Variants in KLF9 observed in about 807,000 individuals in gnomAD.
The protein encoded by KLF9 is KLF transcription factor 9.
In KLF9, 2 loss-of-function variants were observed where a neutral mutation model predicts 17.3. The observed-to-expected ratio is 0.12, with a 90% CI of 0.05 to 0.36. The LOEUF (loss-of-function observed/expected upper bound fraction) is 0.36. Ranked by LOEUF, KLF9 falls within the 10% of genes least tolerant of loss-of-function variation. KLF9 has a pLI of 1.00. For missense variants in KLF9, 226 were observed against 333.2 expected, an observed-to-expected ratio of 0.68 and a Z score of 2.51; for synonymous variants, 138 against 139.2, an observed-to-expected ratio of 0.99 and a Z score of 0.06.
intron 1 of KLF9, among the ~76,000 whole-genome samples, chr9:70,409,529 C>T (rs1192517649): frequency 6.6e-6 from 1 of 151,918 alleles, no homozygotes; most frequent in African/African-American, 2.4e-5. Context: ...CACCCGCCCC[C>T]CAAAATCTGC....
chr9:70,395,692 T>G (rs916486425), intron 1 of KLF9, among the ~76,000 whole-genome samples: 6 of 152,090 alleles, frequency 3.9e-5, no homozygotes, highest in Non-Finnish European at 7.3e-5. Context: ...GCCTGTAATC[T>G]CAGCACTTTG....
intron 1 of KLF9, among the ~76,000 whole-genome samples, chr9:70,398,230 T>G (rs1315262209): frequency 3.3e-5 from 5 of 152,170 alleles, no homozygotes; most frequent in Admixed American, 3.3e-4. Flanking sequence ...ACAGAGACAG[T>G]GTAGGGCTTA....
chr9:70,405,591 G>C (rs2037250175), intron 1 of KLF9, among the ~76,000 whole-genome samples: 1 of 152,156 alleles, frequency 6.6e-6, no homozygotes, highest in Non-Finnish European at 1.5e-5. Context: ...CTCAGCTCTA[G>C]AACCTTTAGA....
At chr9:70,388,934 G>A (rs2037133468) in intron 1 of KLF9, among the ~76,000 whole-genome samples, 1 of 152,196 alleles carries the variant, frequency 6.6e-6, no homozygotes, top group East Asian at 1.9e-4. Context: ...GAGGTCAGGA[G>A]TTAAGAGACC....
At chr9:70,403,017 G>A (rs2037233636) in intron 1 of KLF9, among the ~76,000 whole-genome samples, 1 of 152,106 alleles carries the variant, frequency 6.6e-6, no homozygotes, top group Admixed American at 6.6e-5. Context: ...TGGCATGGTG[G>A]GGTGTGGCTG....
At position 70,387,655 on chromosome 9, in the gene KLF9, G is replaced by C. The variant is rs1353063548; in HGVS notation, c.*121C>G. ...GGAAAATCAGAATATTGACCAAAGA[G>C]CAGTGACTTCCTGTGCCGTCAAGTG... On this transcript the variant is annotated 3_prime_UTR_variant, in exon 2 of 2. Coordinates refer to ENST00000377126, the MANE Select transcript of KLF9 (RefSeq NM_001206.4). 4 of 762,362 alleles carry C rather than the reference G, an allele frequency of 5.2e-6. No individual in the cohort carries two copies. In the African/African-American group the frequency reaches 6.9e-5, roughly 13 times the overall value. 47.2% of individuals were successfully genotyped at this position (762,362 alleles called of 1,614,324 possible).
At chr9:70,398,698 G>T (rs919908567) in intron 1 of KLF9, among the ~76,000 whole-genome samples, 2 of 151,896 alleles carry the variant, frequency 1.3e-5, no homozygotes, top group African/African-American at 4.8e-5. Flanking sequence ...CACCATGTTG[G>T]CCAGGCTGGT....
intron 1 of KLF9, among the ~76,000 whole-genome samples, chr9:70,400,480 G>A (rs1282355656): frequency 6.6e-6 from 1 of 152,178 alleles, no homozygotes. Flanking sequence ...CCGAATTAGA[G>A]AGAGAACCCT....
intron 1 of KLF9, among the ~76,000 whole-genome samples, chr9:70,409,524 G>GC (rs952176715): frequency 3.3e-5 from 5 of 151,584 alleles, no homozygotes; most frequent in Admixed American, 3.3e-4. Flanking sequence ...TTTACCACCC[G>GC]CCCCCCAAAA....
intron 1 of KLF9, among the ~76,000 whole-genome samples, chr9:70,395,258 G>A (rs1200842288): frequency 6.6e-6 from 1 of 152,092 alleles, no homozygotes; most frequent in Non-Finnish European, 1.5e-5. Context: ...TGGCTTAGAT[G>A]TCAGGTAAAA....
intron 1 of KLF9, among the ~76,000 whole-genome samples, chr9:70,399,025 G>A (rs1052609365): frequency 6.6e-6 from 1 of 151,692 alleles, no homozygotes; most frequent in South Asian, 2.1e-4. Context: ...GTATAGTCAG[G>A]GGTCTTACTA....
chr9:70,387,672 C>T lies in KLF9; in HGVS notation c.*104G>A, dbSNP rs547656999. ...ACCAAAGAGCAGTGACTTCCTGTGC[C>T]GTCAAGTGTGCCTCTTCTGGGGCTC... On this transcript the variant is annotated 3_prime_UTR_variant, in exon 2 of 2. Coordinates refer to ENST00000377126, the MANE Select transcript of KLF9 (RefSeq NM_001206.4). 18 of 908,430 alleles carry T rather than the reference C, an allele frequency of 2.0e-5. No individual in the cohort carries two copies. The highest frequency in any genetic ancestry group is 1.9e-4 in the Admixed American group (10 of 53,776). 56.3% of individuals were successfully genotyped at this position (908,430 alleles called of 1,614,324 possible). A position where few individuals can be genotyped will look rare whatever the true frequency, so the allele number is the denominator to read the frequency against.
chr9:70,387,194 A>T lies in KLF9; in HGVS notation c.*582T>A, dbSNP rs1046213085. On this transcript the variant is annotated 3_prime_UTR_variant, in exon 2 of 2. Coordinates refer to ENST00000377126, the MANE Select transcript of KLF9 (RefSeq NM_001206.4). ...TTGCTTGCATAAAGACAGCTGTGCT[A>T]TGGCGTTTTTTTTTTTAATCTCAAA... 8 of 153,916 alleles carry T rather than the reference A, an allele frequency of 5.2e-5. No individual in the cohort carries two copies. The highest frequency in any genetic ancestry group is 2.0e-4 in the African/African-American group (8 of 40,822). The allele number at this position is 153,916 out of a possible 1,614,324, so 9.5% of individuals were successfully genotyped here.
At chr9:70,393,551 C>T (rs1313895307) in intron 1 of KLF9, among the ~76,000 whole-genome samples, 1 of 152,144 alleles carries the variant, frequency 6.6e-6, no homozygotes, top group Non-Finnish European at 1.5e-5. Flanking sequence ...CTCATCTTCC[C>T]TGCCCCACCC....
chr9:70,394,446 C>T (rs1015180542), intron 1 of KLF9, among the ~76,000 whole-genome samples: 1 of 152,042 alleles, frequency 6.6e-6, no homozygotes, highest in African/African-American at 2.4e-5. Context: ...TATAAAAGAT[C>T]AGCTCTGAAA....
chr9:70,387,646 G>T lies in KLF9; in HGVS notation c.*130C>A. The T allele has an allele frequency of 1.4e-6, 1 of 718,992 alleles. No homozygotes were observed. The highest frequency in any genetic ancestry group is 2.4e-6 in the Non-Finnish European group (1 of 422,444). 44.5% of individuals were successfully genotyped at this position (718,992 alleles called of 1,614,324 possible). ...GCAGGGAGAGGAAAATCAGAATATT[G>T]ACCAAAGAGCAGTGACTTCCTGTGC... On this transcript the variant is annotated 3_prime_UTR_variant, in exon 2 of 2. Coordinates refer to ENST00000377126, the MANE Select transcript of KLF9 (RefSeq NM_001206.4).
At position 70,385,587 on chromosome 9, in the gene KLF9, A is replaced by C. The variant is rs1406604622; in HGVS notation, c.*2189T>G. On this transcript the variant is annotated 3_prime_UTR_variant, in exon 2 of 2. Coordinates refer to ENST00000377126, the MANE Select transcript of KLF9 (RefSeq NM_001206.4). ...CGTTTCTTTCTGTGAGGGAAAGATG[A>C]CTTTTTACAAGTTAGCAAGTTGCTA... The C allele has an allele frequency of 6.6e-6, 1 of 152,610 alleles. No individual in the cohort carries two copies. Among genetic ancestry groups the C allele is most frequent in the Non-Finnish European group, 1.5e-5 (1 of 68,036 alleles). The allele number at this position is 152,610 out of a possible 1,614,324, so 9.5% of individuals were successfully genotyped here.
In KLF9 at chr9:70,386,866, T is replaced by C. The variant is rs2037113618; in HGVS notation, c.*910A>G. 6.6e-6 allele frequency: 1 copy of C among 152,622 alleles called. No individual in the cohort carries two copies. The allele number at this position is 152,622 out of a possible 1,614,324, so 9.5% of individuals were successfully genotyped here. On this transcript the variant is annotated 3_prime_UTR_variant, in exon 2 of 2. Coordinates refer to ENST00000377126, the MANE Select transcript of KLF9 (RefSeq NM_001206.4). ...CCCTCACATCTCTGCCATGATTTCT[T>C]AGGGAAACGTGTATATTGTAAAATA...
intron 1 of KLF9, among the ~76,000 whole-genome samples, chr9:70,404,940 C>T (rs563911099): frequency 2.6e-5 from 4 of 152,288 alleles, no homozygotes; most frequent in African/African-American, 7.2e-5. Context: ...TGTGCTCTGA[C>T]GACTCTATCT....
Sources: allele counts gnomAD v4.1 joint callset (sites outside exome capture counted in the v4.1 genomes callset), GRCh38; gene constraint gnomAD v4.1.1; transcripts MANE v1.5; gene names NCBI Gene and HGNC (gene_info 2026-07-23, HGNC 2026-07-21).